The following SIPA1L3 variants were observed in gnomAD, a reference collection of about 807,000 sequenced individuals.
SIPA1L3 encodes signal-induced proliferation-associated 1-like protein 3.
In SIPA1L3, 59 loss-of-function variants were observed where a neutral mutation model predicts 150.1. The observed-to-expected ratio is 0.39, with a 90% CI of 0.32 to 0.49. The LOEUF is 0.49. Among genes scored for constraint, SIPA1L3 ranks in the 20% least tolerant of loss-of-function variants. The pLI is 0.86. For synonymous variants in SIPA1L3, 1,070 were observed against 1,077.6 expected, an observed-to-expected ratio of 0.99 and a Z score of 0.14; for missense variants, 2,211 against 2,489.5, an observed-to-expected ratio of 0.89 and a Z score of 2.38.
At position 38,025,123 on chromosome 19, in the gene SIPA1L3, A is replaced by G. The variant is rs143324274; in HGVS notation, c.-378-3966A>G. 1.5e-3 allele frequency among the ~76,000 whole-genome samples: 231 copies of G among 152,194 alleles called. 2 individuals are homozygous for G. The highest frequency in any genetic ancestry group is 5.4e-3 in the African/African-American group (225 of 41,522). On this transcript the variant is annotated intron_variant, in intron 1 of 21. Transcript: ENST00000222345. Reference sequence around the variant, plus strand: ...TGTTTCCGTCAGAAATTGCAGCAAAATGTCCAGGGCCCACTCTGATTGGCC... The same window carrying G: ...TGTTTCCGTCAGAAATTGCAGCAAAGTGTCCAGGGCCCACTCTGATTGGCC...
chr19:38,187,715 C>CAA (rs34187992), intron 16 of SIPA1L3, among the ~76,000 whole-genome samples: 142 of 59,116 alleles, frequency 2.4e-3, no homozygotes, highest in South Asian at 2.8e-3. Flanking sequence ...GACTCCGTCT[C>CAA]AAAAAAAAAA....
At chr19:38,088,946 A>G (rs1433490731) in intron 4 of SIPA1L3, 95 bp downstream of exon 4, 21 of 1,406,306 alleles carry the variant, frequency 1.5e-5, no homozygotes, top group Non-Finnish European at 1.9e-5. Flanking sequence ...GCTTCATCTC[A>G]TGGAATCCTC....
At position 38,078,456 on chromosome 19, in the gene SIPA1L3, ACACACACACACACAGGCACACAGACATG is replaced by A. The variant is rs1311620567; in HGVS notation, c.-310-2759_-310-2732del. Among the ~76,000 whole-genome samples the A allele has an allele frequency of 2.7e-4, 40 of 150,836 alleles. 1 individual carries two copies. Among genetic ancestry groups the A allele is most frequent in the East Asian group, 1.2e-3 (6 of 5,156 alleles). On this transcript the variant is annotated intron_variant, in intron 2 of 21. Coordinates refer to ENST00000222345, the MANE Select transcript of SIPA1L3 (RefSeq NM_015073.3). The stretch of plus-strand genomic sequence containing the variant: ...CATACATGCACACACACACACACAC[ACACACACACACACAGGCACACAGACATG>A]CACACACACACACAGGCACACAGAC...
chr19:37,973,554 AG>A (rs1442727171), intron 1 of SIPA1L3, among the ~76,000 whole-genome samples: 1,803 of 31,656 alleles, frequency 0.057, 111 homozygotes, highest in African/African-American at 0.18. Flanking sequence ...AAAAAAAAAA[AG>A]CGGGAGGGGG....
chr19:38,176,997 A>G (rs1972450060), intron 15 of SIPA1L3, among the ~76,000 whole-genome samples: 1 of 151,506 alleles, frequency 6.6e-6, no homozygotes, highest in African/African-American at 2.4e-5. Context: ...CAACAAAAAA[A>G]CAAACAAACA....
At chr19:38,000,684 T>TG in intron 1 of SIPA1L3, among the ~76,000 whole-genome samples, 1 of 147,308 alleles carries the variant, frequency 6.8e-6, no homozygotes, top group Non-Finnish European at 1.5e-5. Context: ...CTTTTTTTTT[T>TG]TTTTTCCTCC....
chr19:38,067,016 C>T (rs1343666480), intron 2 of SIPA1L3, among the ~76,000 whole-genome samples: 1 of 150,858 alleles, frequency 6.6e-6, no homozygotes, highest in Non-Finnish European at 1.5e-5. Context: ...ATGGGAGGAT[C>T]ACTTAAGCCC....
chr19:38,004,794 ACACATGC>A (rs1967898713), intron 1 of SIPA1L3, among the ~76,000 whole-genome samples: 4 of 152,160 alleles, frequency 2.6e-5, no homozygotes, highest in South Asian at 2.1e-4. Context: ...GAACCAGGAC[ACACATGC>A]CACTGTATCT....
At chr19:38,083,847 G>A (rs1970064232) in intron 3 of SIPA1L3, among the ~76,000 whole-genome samples, 1 of 152,006 alleles carries the variant, frequency 6.6e-6, no homozygotes, top group African/African-American at 2.4e-5. Flanking sequence ...AAAAAAATTA[G>A]CCAGGCATGG....
chr19:38,152,753 T>C, intron 12 of SIPA1L3, 87 bp from the exon 13 acceptor site: 2 of 1,454,284 alleles, frequency 1.4e-6, no homozygotes, highest in Admixed American at 2.1e-5. Flanking sequence ...TAAAACCCAC[T>C]GGCGAGCAAG....
chr19:37,953,092 C>T (rs146758358), intron 1 of SIPA1L3, among the ~76,000 whole-genome samples: 2 of 152,218 alleles, frequency 1.3e-5, no homozygotes, highest in East Asian at 1.9e-4. Context: ...GGCGTGGTGG[C>T]GGAGGCCTGT....
intron 2 of SIPA1L3, among the ~76,000 whole-genome samples, chr19:38,041,242 G>A (rs1229564058): frequency 6.8e-6 from 1 of 146,526 alleles, no homozygotes; most frequent in South Asian, 2.1e-4. Context: ...CAGTAGCTGG[G>A]ATTACAGGCA....
intron 1 of SIPA1L3, among the ~76,000 whole-genome samples, chr19:37,961,710 G>C (rs1304953422): frequency 6.6e-6 from 1 of 151,374 alleles, no homozygotes; most frequent in East Asian, 1.9e-4. Context: ...TTTTTTTTCT[G>C]GCACTTTCTC....
chr19:38,037,652 G>C (rs1371996245), intron 2 of SIPA1L3, among the ~76,000 whole-genome samples: 1 of 152,162 alleles, frequency 6.6e-6, no homozygotes, highest in African/African-American at 2.4e-5. Context: ...AAATATCCCT[G>C]TTCTCAGAGC....
rs1363507308 is a variant in SIPA1L3, at chr19:38,046,653, G to A, written c.-311+17497G>A. Among the ~76,000 whole-genome samples, 1 of 152,204 alleles carries A rather than the reference G, an allele frequency of 6.6e-6. No individual in the cohort carries two copies. The highest frequency in any genetic ancestry group is 2.4e-5 in the African/African-American group (1 of 41,460). ...AGAGCCCACATGAATCCGCCATCTC[G>A]CCCGCAGCCTGGGGATGCTGCTGGA... On this transcript the variant is annotated intron_variant, in intron 2 of 21. Transcript: ENST00000222345. This position sits in a 1 kb window ranked among gnomAD's most constrained non-coding sequence, Gnocchi z 5.6.
chr19:38,049,028 G>A (rs1969124962), intron 2 of SIPA1L3, among the ~76,000 whole-genome samples: 1 of 151,736 alleles, frequency 6.6e-6, no homozygotes, highest in African/African-American at 2.4e-5. Flanking sequence ...GTTGCAGTGA[G>A]CTGAGATTGC....
At chr19:37,936,243 A>C (rs908054876) in intron 1 of SIPA1L3, among the ~76,000 whole-genome samples, 7 of 152,124 alleles carry the variant, frequency 4.6e-5, no homozygotes, top group African/African-American at 1.7e-4. Context: ...AGTTGGGCCC[A>C]TTGCCACCCT....
chr19:37,924,984 G>A (rs528477286), intron 1 of SIPA1L3, among the ~76,000 whole-genome samples: 1 of 151,240 alleles, frequency 6.6e-6, no homozygotes, highest in African/African-American at 2.4e-5. Flanking sequence ...AGGAGGCAGA[G>A]GTTGCAGTGA....
At chr19:37,924,677 C>CA (rs762052136) in intron 1 of SIPA1L3, among the ~76,000 whole-genome samples, 3,060 of 100,542 alleles carry the variant, frequency 0.03, 127 homozygotes, top group African/African-American at 0.1. Context: ...GACTCTATCT[C>CA]AAAAAAAAAA....
Sources: allele counts gnomAD v4.1 joint callset (sites outside exome capture counted in the v4.1 genomes callset), GRCh38; gene constraint gnomAD v4.1.1; non-coding constraint Gnocchi (gnomAD v3.1); transcripts MANE v1.5; gene names NCBI Gene and HGNC (gene_info 2026-07-23, HGNC 2026-07-21).